Variants in C14orf39 observed in about 807,000 individuals in gnomAD.
C14orf39 encodes the protein chromosome 14 open reading frame 39.
Under a neutral mutation model 85.6 loss-of-function variants are expected in C14orf39, and 66 were observed. The observed-to-expected ratio is 0.77, with a 90% CI of 0.63 to 0.95. The LOEUF (loss-of-function observed/expected upper bound fraction) is 0.95, where lower values mean the gene tolerates loss of function less well. Ranked by LOEUF, C14orf39 falls within the 40% of genes least tolerant of loss-of-function variation. The pLI is 0.00. For missense variants in C14orf39, 735 were observed against 663.9 expected (o/e 1.11, Z -1.18); for synonymous variants, 242 against 214.0 (o/e 1.13, Z -1.14).
intron 16 of C14orf39, 82 bp downstream of exon 16, chr14:60,454,919 C>G: frequency 9.1e-7 from 1 of 1,094,210 alleles, no homozygotes; most frequent in African/African-American, 1.7e-5. Flanking sequence ...TGCCCCAAGA[C>G]AGTTTTGTAT....
Position 60,461,416 on chromosome 14 carries a change from A to G in C14orf39, c.1059-4T>C, listed in dbSNP as rs199739324. ...TTGTTTCTGTGGGGTTAACAATCTAAAATGGAATAAATATAATTTTTGTAT... is the reference window on the plus strand; with the variant it reads ...TTGTTTCTGTGGGGTTAACAATCTAGAATGGAATAAATATAATTTTTGTAT... On this transcript the variant is annotated splice_polypyrimidine_tract_variant and splice_region_variant and intron_variant, in intron 12 of 17. Transcript: ENST00000321731. The G allele has an allele frequency of 3.4e-5, 54 of 1,603,742 alleles. No homozygotes were observed. In the East Asian group the frequency reaches 1.2e-3, roughly 35 times the overall value.
rs1393701088 is a variant in C14orf39, at chr14:60,478,320, T to G, written c.303A>C (p.Gln101His). The G allele has an allele frequency of 1.3e-6, 2 of 1,570,210 alleles. No individual in the cohort carries two copies. The highest frequency in any genetic ancestry group is 4.6e-5 in the East Asian group (2 of 43,414). Residue 101 changes from glutamine to histidine, a missense_variant, in exon 5 of 18, where the codon CAA (glutamine) becomes CAC (histidine). Physicochemically the swap from Gln to His is conservative, Grantham distance 24. Transcript: ENST00000321731. ...TATACTTGTCTTTTTCAACAGTTCC[T>G]TGATAAACAGTAAATTGGTCCTGCA... Reference protein sequence around the residue: ...DYMQDQFTVYQGTVEKDKEMY... With the variant: ...DYMQDQFTVYHGTVEKDKEMY...
In C14orf39 at chr14:60,484,434, A is replaced by G. The variant is rs2140164428; in HGVS notation, c.106+447T>C. 6.6e-6 allele frequency among the ~76,000 whole-genome samples: 1 copy of G among 152,308 alleles called. No homozygotes were observed. The highest frequency in any genetic ancestry group is 1.9e-4 in the East Asian group (1 of 5,192). ...TAGTTGTTTTGTTGGATCTTAAAAT[A>G]CTATACAGTATTTGTGTGATTTGCC... On this transcript the variant is annotated intron_variant, in intron 3 of 17. Transcript: ENST00000321731. This position sits in a 1 kb window ranked among gnomAD's most constrained non-coding sequence, Gnocchi z 4.2.
At chr14:60,512,115 CCTCT>C (rs774646964) in intron 1 of C14orf39, 13 of 152,288 alleles carry the variant, frequency 8.5e-5, no homozygotes, top group East Asian at 1.9e-4. Flanking sequence ...ATGTGAGCGT[CCTCT>C]CTAAGGCAAG....
intron 16 of C14orf39, among the ~76,000 whole-genome samples, chr14:60,450,593 C>G (rs1161900104): frequency 6.6e-6 from 1 of 152,204 alleles, no homozygotes; most frequent in Admixed American, 6.5e-5. Context: ...GGGAACTAGC[C>G]ACCTGAAGGG....
chr14:60,440,554 C>T (rs1434346377), intron 17 of C14orf39, among the ~76,000 whole-genome samples: 1 of 152,196 alleles, frequency 6.6e-6, no homozygotes, highest in African/African-American at 2.4e-5. Context: ...TTATAGCTTC[C>T]TGACCTTTCC....
chr14:60,513,969 ATATT>A (rs1312292318), intron 1 of C14orf39, among the ~76,000 whole-genome samples: 1 of 152,146 alleles, frequency 6.6e-6, no homozygotes, highest in Non-Finnish European at 1.5e-5. Flanking sequence ...AACAATCTGG[ATATT>A]TATTTATTTA....
intron 5 of C14orf39, among the ~76,000 whole-genome samples, chr14:60,476,471 T>C (rs964897135): frequency 2.0e-5 from 3 of 152,204 alleles, no homozygotes; most frequent in Non-Finnish European, 2.9e-5. Context: ...CCATTATCCA[T>C]GAAACCAACA....
chr14:60,476,182 A>G (rs911691991), intron 5 of C14orf39, among the ~76,000 whole-genome samples: 16 of 152,298 alleles, frequency 1.1e-4, no homozygotes, highest in South Asian at 2.1e-4. Context: ...ATCGCTTGGG[A>G]AAAATGGTCC....
chr14:60,505,961 G>C (rs1274791935), intron 1 of C14orf39, among the ~76,000 whole-genome samples: 3 of 152,138 alleles, frequency 2.0e-5, no homozygotes, highest in East Asian at 1.9e-4. Context: ...AGATATTTCC[G>C]GCATGAGCCT....
chr14:60,503,306 C>A (rs1893167928), intron 1 of C14orf39, among the ~76,000 whole-genome samples: 1 of 152,108 alleles, frequency 6.6e-6, no homozygotes. Flanking sequence ...CCTGACAAGA[C>A]CCAGAAGTGT....
chr14:60,462,249 G>A (rs1891566741), intron 11 of C14orf39, among the ~76,000 whole-genome samples: 1 of 149,314 alleles, frequency 6.7e-6, no homozygotes, highest in South Asian at 2.2e-4. Context: ...GTAGCCTGAT[G>A]TCCTAGCTAC....
intron 16 of C14orf39, among the ~76,000 whole-genome samples, chr14:60,451,768 A>T (rs1316582005): frequency 1.3e-5 from 2 of 152,114 alleles, no homozygotes; most frequent in East Asian, 1.9e-4. Context: ...GCACACCAAC[A>T]TGGCAAATGT....
At chr14:60,503,345 T>C (rs377038056) in intron 1 of C14orf39, among the ~76,000 whole-genome samples, 1 of 152,026 alleles carries the variant, frequency 6.6e-6, no homozygotes, top group Non-Finnish European at 1.5e-5. Context: ...TGAACTAGAG[T>C]GCACCAAACT....
chr14:60,498,446 G>T (rs567511228), intron 2 of C14orf39, among the ~76,000 whole-genome samples: 1 of 152,308 alleles, frequency 6.6e-6, no homozygotes, highest in East Asian at 1.9e-4. Context: ...GGAAAGGCCA[G>T]TTATCACCAC....
At chr14:60,457,140 C>A (rs1366784713) in intron 14 of C14orf39, 45 bp from the exon 15 acceptor site, 2 of 1,247,370 alleles carry the variant, frequency 1.6e-6, no homozygotes, top group Non-Finnish European at 2.2e-6. Flanking sequence ...AATGCTGCTG[C>A]ATTAATGACA....
chr14:60,461,713 CATT>C, intron 11 of C14orf39, 120 bp from the exon 12 acceptor site: 1 of 544,310 alleles, frequency 1.8e-6, no homozygotes, highest in Non-Finnish European at 3.3e-6. Context: ...TCATTACCAT[CATT>C]ATCAACATCA....
At chr14:60,461,703 T>C in intron 11 of C14orf39, 110 bp from the exon 12 acceptor site, 1 of 556,408 alleles carries the variant, frequency 1.8e-6, no homozygotes, top group Admixed American at 3.6e-5. Flanking sequence ...ATCCTTTCCA[T>C]CATTACCATC....
rs547518696 is a variant in C14orf39 at position 60,444,421 on chromosome 14, G to A, written c.1504-2290C>T. Among the ~76,000 whole-genome samples the A allele has an allele frequency of 8.5e-5, 13 of 152,224 alleles. No individual in the cohort carries two copies. The South Asian group carries it at 1.7e-3, about 19-fold the overall frequency. On this transcript the variant is annotated intron_variant, in intron 16 of 17. Coordinates refer to ENST00000321731, the MANE Select transcript of C14orf39 (RefSeq NM_174978.3). ...GACACATACAAAAGCTTCAATAGCC[G>A]ATTCGATTAAGTGGAAGAAAGGATA...
Sources: allele counts gnomAD v4.1 joint callset (sites outside exome capture counted in the v4.1 genomes callset), GRCh38; gene constraint gnomAD v4.1.1; non-coding constraint Gnocchi (gnomAD v3.1); transcripts MANE v1.5; gene names NCBI Gene and HGNC (gene_info 2026-07-23, HGNC 2026-07-21).